ARID4B: variants seen among roughly 807,000 people sequenced by gnomAD.
ARID4B encodes AT-rich interactive domain-containing protein 4B.
A neutral mutation model predicts 147.5 loss-of-function variants in ARID4B; 26 were observed. The ratio of observed to expected loss-of-function variants is 0.18; its 90% confidence interval spans 0.13 to 0.24. The LOEUF is 0.24. Among genes scored for constraint, ARID4B ranks in the 10% least tolerant of loss-of-function variants. The pLI is 1.00. For synonymous variants in ARID4B, 512 were observed against 507.9 expected (o/e 1.01, Z -0.11); for missense variants, 1,179 against 1,511.5 (o/e 0.78, Z 3.65).
At chr1:235,291,451 T>A (rs915418138) in intron 2 of ARID4B, among the ~76,000 whole-genome samples, 65 of 152,088 alleles carry the variant, frequency 4.3e-4, no homozygotes, top group African/African-American at 1.5e-3. Flanking sequence ...AATTTTTAAT[T>A]AAAAATGAAT....
intron 2 of ARID4B, among the ~76,000 whole-genome samples, chr1:235,273,048 C>G (rs1306739007): frequency 1.3e-5 from 2 of 152,164 alleles, no homozygotes; most frequent in African/African-American, 4.8e-5. Context: ...GAAATGTTTT[C>G]TGAAATCTCA....
chr1:235,211,627 G>C (rs1666726279), intron 17 of ARID4B, among the ~76,000 whole-genome samples: 1 of 152,102 alleles, frequency 6.6e-6, no homozygotes, highest in African/African-American at 2.4e-5. Context: ...CACTCAGGCT[G>C]GAGTACAGTG....
At chr1:235,260,435 T>C (rs1670222007) in intron 3 of ARID4B, among the ~76,000 whole-genome samples, 1 of 152,216 alleles carries the variant, frequency 6.6e-6, no homozygotes, top group Admixed American at 6.5e-5. Flanking sequence ...TATAGTGAAA[T>C]GGCATTCAAA....
chr1:235,265,282 C>T (rs1670532664), intron 2 of ARID4B, among the ~76,000 whole-genome samples: 2 of 151,826 alleles, frequency 1.3e-5, no homozygotes, highest in Admixed American at 6.6e-5. Context: ...AGGAGAATCA[C>T]TTGAACCTGG....
In ARID4B at chr1:235,219,818, C is replaced by T. The variant is rs755172069; in HGVS notation, c.1558G>A (p.Ala520Thr). Reference sequence around the variant, plus strand: ...CCAGATTTTGCTTTTTCTTCCTCAGCTTCTACCTTTATGTTGAGGGATTCA... The same window carrying T: ...CCAGATTTTGCTTTTTCTTCCTCAGTTTCTACCTTTATGTTGAGGGATTCA... ...VDESLNIKVE[A>T]EEEKAKSGDE... The change falls in exon 16 of 24, where the codon GCT becomes ACT. Residue 520 changes from alanine (A) to threonine (T), a missense_variant. Ala to Thr is a moderately conservative substitution (Grantham distance 58, BLOSUM62 0). This residue lies in a region of ARID4B where 204 missense variants were observed against 210.9 expected (regional missense o/e 0.97). Coordinates refer to ENST00000264183, the MANE Select transcript of ARID4B (RefSeq NM_016374.6). 4 of 1,600,174 alleles carry T rather than the reference C, an allele frequency of 2.5e-6. No homozygotes were observed. The South Asian group carries it at 4.6e-5, about 18-fold the overall frequency.
At chr1:235,216,679 A>G (rs915538950) in intron 16 of ARID4B, among the ~76,000 whole-genome samples, 1 of 152,176 alleles carries the variant, frequency 6.6e-6, no homozygotes, top group African/African-American at 2.4e-5. Context: ...TGAAAATAAT[A>G]TTTCTATTAT....
intron 2 of ARID4B, among the ~76,000 whole-genome samples, chr1:235,268,359 G>A (rs60593513): frequency 7.7e-6 from 1 of 130,336 alleles, no homozygotes; most frequent in Non-Finnish European, 1.6e-5. Context: ...ATATATATGT[G>A]TATATATACA....
intron 1 of ARID4B, chr1:235,327,405 C>G (rs978531686): frequency 1.3e-5 from 2 of 152,226 alleles, no homozygotes; most frequent in Non-Finnish European, 2.9e-5. Flanking sequence ...CGGGCAGGAC[C>G]GGCCCGCCAC....
intron 2 of ARID4B, among the ~76,000 whole-genome samples, chr1:235,286,462 A>G (rs1003381500): frequency 2.0e-5 from 3 of 152,224 alleles, no homozygotes; most frequent in African/African-American, 7.2e-5. Flanking sequence ...TTAAGTTACC[A>G]TATGAAGTTA....
Position 235,172,652 on chromosome 1 carries a change from C to G in ARID4B, c.3777G>C (p.Arg1259=), listed in dbSNP as rs753908499. 1 of 1,593,708 alleles carries G rather than the reference C, an allele frequency of 6.3e-7. No homozygotes were observed. Among genetic ancestry groups the G allele is most frequent in the South Asian group, 1.2e-5 (1 of 86,146 alleles). The part of the protein sequence containing the change: ...SLKSEVASID[R]RRKRLKKKER... Reference sequence around the variant, plus strand: ...CTTTCTTCTTTAAACGCTTTCTCCTCCGATCAATGGAAGCTACTTCAGATT... The same window carrying G: ...CTTTCTTCTTTAAACGCTTTCTCCTGCGATCAATGGAAGCTACTTCAGATT... Residue 1259 remains arginine (R), a synonymous_variant, in exon 23 of 24, where the codon CGG becomes CGC. Transcript: ENST00000264183.
chr1:235,250,682 A>G (rs1275889951), intron 6 of ARID4B, among the ~76,000 whole-genome samples: 1 of 152,206 alleles, frequency 6.6e-6, no homozygotes, highest in African/African-American at 2.4e-5. Flanking sequence ...GCACATGGGA[A>G]GGGAATTGAA....
chr1:235,234,162 G>C (rs12030186), intron 9 of ARID4B, among the ~76,000 whole-genome samples: 1 of 151,966 alleles, frequency 6.6e-6, no homozygotes, highest in African/African-American at 2.4e-5. Flanking sequence ...ATGTGGACAA[G>C]TGTTGACAAA....
At chr1:235,241,907 T>G (rs1447362048) in intron 7 of ARID4B, among the ~76,000 whole-genome samples, 1 of 152,050 alleles carries the variant, frequency 6.6e-6, no homozygotes, top group Non-Finnish European at 1.5e-5. Flanking sequence ...TCAAATAACT[T>G]AAAAATTGTT....
At chr1:235,253,705 G>C (rs1669781762) in intron 5 of ARID4B, among the ~76,000 whole-genome samples, 1 of 152,248 alleles carries the variant, frequency 6.6e-6, no homozygotes, top group East Asian at 1.9e-4. Flanking sequence ...ATGACTATTT[G>C]TATTATATGC....
chr1:235,303,039 T>C (rs968284115), intron 2 of ARID4B, among the ~76,000 whole-genome samples: 1 of 152,080 alleles, frequency 6.6e-6, no homozygotes, highest in Non-Finnish European at 1.5e-5. Context: ...TTCTCCTGCC[T>C]CAGCCTCTCG....
intron 2 of ARID4B, among the ~76,000 whole-genome samples, chr1:235,309,733 G>A (rs200540791): frequency 2.6e-5 from 4 of 152,030 alleles, no homozygotes; most frequent in Non-Finnish European, 5.9e-5. Context: ...GAATAGAAAG[G>A]GGGGAAAGGT....
chr1:235,300,330 T>G (rs1257606866), intron 2 of ARID4B, among the ~76,000 whole-genome samples: 1 of 151,476 alleles, frequency 6.6e-6, no homozygotes, highest in Non-Finnish European at 1.5e-5. Flanking sequence ...GGCACAAGAA[T>G]CACTTGAACC....
intron 23 of ARID4B, among the ~76,000 whole-genome samples, chr1:235,171,875 C>T (rs1000701882): frequency 7.9e-5 from 12 of 152,082 alleles, no homozygotes; most frequent in African/African-American, 2.7e-4. Flanking sequence ...CTCCTGACCT[C>T]AGGCAATCCA....
At chr1:235,192,971 T>C (rs975145030) in intron 19 of ARID4B, among the ~76,000 whole-genome samples, 2 of 151,954 alleles carry the variant, frequency 1.3e-5, no homozygotes, top group African/African-American at 4.8e-5. Flanking sequence ...CGGGCGCCTG[T>C]AGTCCCAGCT....
Sources: gnomAD v4.1 joint callset for allele counts (sites outside exome capture counted in the v4.1 genomes callset) on GRCh38, gnomAD v4.1.1 for gene constraint, gnomAD v4.1.1 regional missense constraint, MANE v1.5 for transcripts, NCBI Gene and HGNC (gene_info 2026-07-23, HGNC 2026-07-21) for gene names.